Variants in ARMH4 observed in about 807,000 individuals in gnomAD.
The protein encoded by ARMH4 is armadillo-like helical domain-containing protein 4.
In ARMH4, 49 loss-of-function variants were observed where a neutral mutation model predicts 61.9. The ratio of observed to expected loss-of-function variants is 0.79; its 90% CI spans 0.63 to 1.00. The LOEUF is 1.00. Ranked by LOEUF, ARMH4 falls within the 50% of genes least tolerant of loss-of-function variation. The probability of loss-of-function intolerance (pLI) is 0.00; values close to 1 mark genes in which losing one functional copy is unlikely to be tolerated. For missense variants in ARMH4, 934 were observed against 930.0 expected (o/e 1.00, Z -0.06); for synonymous variants, 368 against 341.5 (o/e 1.08, Z -0.85).
At chr14:58,057,106 T>C (rs1324536997) in intron 5 of ARMH4, among the ~76,000 whole-genome samples, 1 of 152,140 alleles carries the variant, frequency 6.6e-6, no homozygotes, top group African/African-American at 2.4e-5. Context: ...CACACTTTTA[T>C]CTGAGAAAAA....
At position 58,133,118 on chromosome 14, in the gene ARMH4, C is replaced by A; in HGVS notation, c.1593G>T (p.Leu531Phe). 1 of 1,614,196 alleles carries A rather than the reference C, an allele frequency of 6.2e-7. No homozygotes were observed. ...CCACAGTGGGAGTAACTTCAAAAGACAAAGGGACGACTGTAGTTGAAATTG... is the reference window on the plus strand; with the variant it reads ...CCACAGTGGGAGTAACTTCAAAAGAAAAAGGGACGACTGTAGTTGAAATTG... Reference protein sequence around the residue: ...ATTISTTVVPLSFEVTPTVEE... With the variant: ...ATTISTTVVPFSFEVTPTVEE... Residue 531 changes from leucine (L) to phenylalanine (F), a missense_variant, in exon 3 of 8, where the codon TTG (leucine) becomes TTT (phenylalanine). Transcript: ENST00000267485.
At chr14:58,072,763 G>T (rs1884925125) in intron 5 of ARMH4, among the ~76,000 whole-genome samples, 1 of 151,822 alleles carries the variant, frequency 6.6e-6, no homozygotes, top group Admixed American at 6.6e-5. Flanking sequence ...TTCCTTTTTA[G>T]TTGACTGCAG....
intron 4 of ARMH4, among the ~76,000 whole-genome samples, chr14:58,118,691 A>G (rs1282912360): frequency 6.6e-6 from 1 of 152,202 alleles, no homozygotes; most frequent in Non-Finnish European, 1.5e-5. Flanking sequence ...CTAGAAACTC[A>G]TTAGTGAAGA....
At chr14:58,132,515 G>A (rs540803681) in intron 3 of ARMH4, among the ~76,000 whole-genome samples, 29 of 150,112 alleles carry the variant, frequency 1.9e-4, no homozygotes, top group Admixed American at 3.3e-4. Context: ...TTCTCAGGGG[G>A]TCTGGCCTTT....
rs570336841 is a variant in ARMH4, at chr14:58,045,025, T to A, written c.2090-32875A>T. ...TTACACTGTTGGTGGGACTGTAAACTGGTTCAACCATTGTGGAAGACAGTA... is the reference window on the plus strand; with the variant it reads ...TTACACTGTTGGTGGGACTGTAAACAGGTTCAACCATTGTGGAAGACAGTA... On this transcript the variant is annotated intron_variant, in intron 5 of 7. Coordinates refer to ENST00000267485, the MANE Select transcript of ARMH4 (RefSeq NM_001001872.4). Among the ~76,000 whole-genome samples, 11 of 152,324 alleles carry A rather than the reference T, an allele frequency of 7.2e-5. No individual in the cohort carries two copies. In the East Asian group the frequency reaches 2.1e-3, roughly 29 times the overall value.
intron 2 of ARMH4, among the ~76,000 whole-genome samples, chr14:58,136,996 G>A (rs941192468): frequency 6.6e-6 from 1 of 152,114 alleles, no homozygotes; most frequent in Non-Finnish European, 1.5e-5. Flanking sequence ...TTTTTTGTAA[G>A]AAATGTAAGG....
chr14:58,098,991 G>T (rs755268237), intron 4 of ARMH4, among the ~76,000 whole-genome samples: 1 of 152,106 alleles, frequency 6.6e-6, no homozygotes, highest in Non-Finnish European at 1.5e-5. Flanking sequence ...GAGGAGAGAG[G>T]TAGTCATATC....
At chr14:58,027,704 T>A (rs1269231687) in intron 5 of ARMH4, among the ~76,000 whole-genome samples, 1 of 152,178 alleles carries the variant, frequency 6.6e-6, no homozygotes, top group Non-Finnish European at 1.5e-5. Context: ...ATGTTAAGTG[T>A]TCCTACAACA....
At chr14:58,071,616 T>C (rs1317683386) in intron 5 of ARMH4, among the ~76,000 whole-genome samples, 5 of 152,100 alleles carry the variant, frequency 3.3e-5, no homozygotes, top group Non-Finnish European at 7.4e-5. Flanking sequence ...GGAGTAAATG[T>C]AGAAATAAGG....
chr14:58,008,623 C>T (rs185042285), intron 6 of ARMH4, among the ~76,000 whole-genome samples: 30 of 152,304 alleles, frequency 2.0e-4, no homozygotes, highest in Admixed American at 1.2e-3. Flanking sequence ...CTTACGATTT[C>T]TGTGCAATGG....
At chr14:58,150,829 C>T (rs1273912228) in intron 1 of ARMH4, among the ~76,000 whole-genome samples, 2 of 152,160 alleles carry the variant, frequency 1.3e-5, no homozygotes, top group African/African-American at 2.4e-5. Flanking sequence ...TGTTCTGATA[C>T]TGTGAAACCT....
At chr14:58,098,662 T>C (rs1227367008) in intron 4 of ARMH4, among the ~76,000 whole-genome samples, 2 of 152,190 alleles carry the variant, frequency 1.3e-5, no homozygotes, top group Admixed American at 1.3e-4. Flanking sequence ...ACCTAATCCT[T>C]GAGGCAGGTG....
chr14:58,098,711 G>T (rs754357223), intron 4 of ARMH4, among the ~76,000 whole-genome samples: 10 of 152,176 alleles, frequency 6.6e-5, no homozygotes, highest in Non-Finnish European at 1.5e-4. Flanking sequence ...AGAAGCCTGG[G>T]CTGGGAGGCA....
At chr14:58,048,637 A>C (rs974251374) in intron 5 of ARMH4, among the ~76,000 whole-genome samples, 2 of 152,218 alleles carry the variant, frequency 1.3e-5, no homozygotes, top group Non-Finnish European at 2.9e-5. Flanking sequence ...AGGGAACAAC[A>C]ACCAAGAAAA....
intron 5 of ARMH4, among the ~76,000 whole-genome samples, chr14:58,051,720 T>A (rs759697987): frequency 7.9e-5 from 12 of 152,158 alleles, no homozygotes; most frequent in Non-Finnish European, 1.6e-4. Flanking sequence ...AATTTCTATT[T>A]CTTCAAATTG....
At chr14:58,032,765 C>T (rs1265600768) in intron 5 of ARMH4, among the ~76,000 whole-genome samples, 1 of 152,124 alleles carries the variant, frequency 6.6e-6, no homozygotes, top group Non-Finnish European at 1.5e-5. Context: ...AGGGAGTTCC[C>T]TTTCCGAGTC....
chr14:58,007,799 A>T (rs192933339), intron 6 of ARMH4, among the ~76,000 whole-genome samples: 1 of 152,368 alleles, frequency 6.6e-6, no homozygotes, highest in East Asian at 1.9e-4. Flanking sequence ...CTTGAGAAAG[A>T]CACAATTGCA....
At chr14:58,114,912 C>A (rs1355596423) in intron 4 of ARMH4, among the ~76,000 whole-genome samples, 1 of 152,024 alleles carries the variant, frequency 6.6e-6, no homozygotes, top group Non-Finnish European at 1.5e-5. Flanking sequence ...AAACCGGCCC[C>A]CTAACTTTCA....
chr14:58,029,847 T>C (rs1234475400), intron 5 of ARMH4, among the ~76,000 whole-genome samples: 1 of 152,160 alleles, frequency 6.6e-6, no homozygotes, highest in Non-Finnish European at 1.5e-5. Context: ...GCAATTCCAC[T>C]GTTAGGTATA....
Sources: gnomAD v4.1 joint callset for allele counts (sites outside exome capture counted in the v4.1 genomes callset) on GRCh38, gnomAD v4.1.1 for gene constraint, MANE v1.5 for transcripts, NCBI Gene and HGNC (gene_info 2026-07-23, HGNC 2026-07-21) for gene names.